NVL: variants seen among roughly 807,000 people sequenced by gnomAD.
The protein encoded by NVL is nuclear valosin-containing protein-like.
In NVL, 84 loss-of-function variants were observed where a neutral mutation model predicts 110.2. The observed-to-expected ratio is 0.76, with a 90% CI of 0.64 to 0.91. The LOEUF is 0.91. NVL is among the 40% of genes least tolerant of loss of function. The pLI is 0.00. For synonymous variants in NVL, 354 were observed against 361.1 expected, an observed-to-expected ratio of 0.98 and a Z score of 0.22; for missense variants, 882 against 1,035.9, an observed-to-expected ratio of 0.85 and a Z score of 2.04.
At chr1:224,246,367 G>A (rs555616797) in intron 19 of NVL, among the ~76,000 whole-genome samples, 3 of 152,224 alleles carry the variant, frequency 2.0e-5, no homozygotes, top group African/African-American at 7.2e-5. Flanking sequence ...TTTGGTCTGA[G>A]GCCTAATGAT....
At chr1:224,239,992 G>T (rs1660983935) in intron 19 of NVL, among the ~76,000 whole-genome samples, 1 of 151,826 alleles carries the variant, frequency 6.6e-6, no homozygotes, top group Non-Finnish European at 1.5e-5. Flanking sequence ...ACGCCTCCCA[G>T]GTTCAAGCGA....
At chr1:224,255,098 C>T (rs1663036757) in intron 18 of NVL, among the ~76,000 whole-genome samples, 1 of 151,042 alleles carries the variant, frequency 6.6e-6, no homozygotes. Flanking sequence ...TCTCGATCTC[C>T]TGACCTCATG....
chr1:224,301,746 G>C (rs771451046), intron 9 of NVL: 4 of 277,902 alleles, frequency 1.4e-5, no homozygotes, highest in African/African-American at 9.8e-5. Context: ...GCTGCAGTGA[G>C]CTGTGATCAT....
chr1:224,323,261 GATTTCTCCTTGCTGCTTATAGTAAA>G (rs747968178), intron 2 of NVL, among the ~76,000 whole-genome samples: 1 of 152,120 alleles, frequency 6.6e-6, no homozygotes, highest in Non-Finnish European at 1.5e-5. Flanking sequence ...AGTGTGGCCT[GATTTCTCCTTGCTGCTTATAGTAAA>G]ATTTTACAGT....
intron 19 of NVL, among the ~76,000 whole-genome samples, chr1:224,245,877 A>G (rs1172631420): frequency 1.3e-5 from 2 of 151,122 alleles, no homozygotes; most frequent in Non-Finnish European, 2.9e-5. Flanking sequence ...TTGGCCTCCC[A>G]AAGTGCTGGG....
intron 19 of NVL, among the ~76,000 whole-genome samples, chr1:224,237,701 C>CT (rs1197768543): frequency 6.7e-6 from 1 of 150,118 alleles, no homozygotes; most frequent in Non-Finnish European, 1.5e-5. Flanking sequence ...TCCCGAGGAG[C>CT]TGGAACTACA....
At chr1:224,312,862 C>T (rs1227916080) in intron 4 of NVL, 1 of 150,282 alleles carries the variant, frequency 6.7e-6, no homozygotes, top group Non-Finnish European at 1.5e-5. Flanking sequence ...AAAAAAAAGC[C>T]CTTTTCTTAT....
rs1191069104 is a variant in NVL at position 224,296,509 on chromosome 1, C to G, written c.1172G>C (p.Cys391Ser). Residue 391 changes from cysteine to serine, a missense_variant, in exon 11 of 23, where the codon TGC (cysteine) becomes TCC (serine). Physicochemically the swap from Cys to Ser is moderately radical, Grantham distance 112. Transcript: ENST00000281701. ...ERRIVAQLLTCMDDLNNVAAT... is the reference protein window; with the variant it reads ...ERRIVAQLLTSMDDLNNVAAT... ...TATTATTTTAAACTAACCATCCATG[C>G]AGGTTAGGAGTTGGGCTACAATTCT... 1 of 1,537,554 alleles carries G rather than the reference C, an allele frequency of 6.5e-7. No homozygotes were observed. The highest frequency in any genetic ancestry group is 1.4e-5 in the African/African-American group (1 of 72,914).
chr1:224,294,468 T>C, intron 11 of NVL, 57 bp from the exon 12 acceptor site: 2 of 1,552,488 alleles, frequency 1.3e-6, no homozygotes, highest in Non-Finnish European at 1.8e-6. Context: ...ACGGCAATAA[T>C]GGTTACAGAA....
At chr1:224,254,501 T>C (rs1382839354) in intron 18 of NVL, among the ~76,000 whole-genome samples, 1 of 150,170 alleles carries the variant, frequency 6.7e-6, no homozygotes, top group Non-Finnish European at 1.5e-5. Flanking sequence ...CAAGTGATTC[T>C]CCTGCGTCAG....
At chr1:224,243,550 G>C (rs1661450232) in intron 19 of NVL, among the ~76,000 whole-genome samples, 1 of 152,028 alleles carries the variant, frequency 6.6e-6, no homozygotes, top group African/African-American at 2.4e-5. Context: ...ACACTTCAAA[G>C]GGAGTTTCAA....
chr1:224,291,216 T>G (rs1667344480), intron 12 of NVL, among the ~76,000 whole-genome samples: 1 of 152,202 alleles, frequency 6.6e-6, no homozygotes, highest in South Asian at 2.1e-4. Context: ...TAATTCTTTT[T>G]TTTTCTGAGA....
intron 2 of NVL, among the ~76,000 whole-genome samples, chr1:224,320,113 A>G (rs1670494392): frequency 6.6e-6 from 1 of 152,220 alleles, no homozygotes; most frequent in African/African-American, 2.4e-5. Context: ...CAGTTCTGGA[A>G]AAAAAATTCC....
At chr1:224,313,886 C>A (rs1240764941) in intron 4 of NVL, among the ~76,000 whole-genome samples, 1 of 152,002 alleles carries the variant, frequency 6.6e-6, no homozygotes, top group Non-Finnish European at 1.5e-5. Flanking sequence ...GCCTGTAATC[C>A]CAACTACTCG....
rs73118057 is a variant in NVL, at chr1:224,323,790, C to A, written c.131+2601G>T. 6.2e-3 allele frequency among the ~76,000 whole-genome samples: 939 copies of A among 152,300 alleles called. 9 individuals are homozygous for A. The highest frequency in any genetic ancestry group is 0.021 in the African/African-American group (882 of 41,572). On this transcript the variant is annotated intron_variant, in intron 2 of 22. Coordinates refer to ENST00000281701, the MANE Select transcript of NVL (RefSeq NM_002533.4). ...GGGCAGGATCACCACCCTACGGAGC[C>A]CACAGGGCAGGGCATCAAGCCAAAG... is the stretch of plus-strand genomic sequence containing the variant.
chr1:224,273,556 C>T (rs1195416326), intron 17 of NVL, among the ~76,000 whole-genome samples: 2 of 152,066 alleles, frequency 1.3e-5, no homozygotes, highest in African/African-American at 4.8e-5. Flanking sequence ...CATACGGCTA[C>T]AGACTTCTTT....
chr1:224,236,603 A>T (rs1243351938), intron 19 of NVL, 21 bp from the exon 20 acceptor site: 1 of 1,595,320 alleles, frequency 6.3e-7, no homozygotes, highest in Non-Finnish European at 8.6e-7. Flanking sequence ...GAGAAAAATG[A>T]TTTTTCATTG....
At chr1:224,274,035 A>AACACACACACACAC (rs1224878158) in intron 17 of NVL, among the ~76,000 whole-genome samples, 38,416 of 145,332 alleles carry the variant, frequency 0.26, 5,874 homozygotes, top group Non-Finnish European at 0.35. Context: ...ATGACCTAAC[A>AACACACACACACAC]ACACACACAC....
rs1166717307 is a variant in NVL at position 224,325,263 on chromosome 1, G to GA, written c.131+1127dup. On this transcript the variant is annotated intron_variant, in intron 2 of 22. Coordinates refer to ENST00000281701, the MANE Select transcript of NVL (RefSeq NM_002533.4). ...GGCGACAGAGCAAGACTCCGTCTCA[G>GA]AAAAAAAAAAAAAGACTCAGGAAGC... is the stretch of plus-strand genomic sequence containing the variant. 4.8e-3 allele frequency among the ~76,000 whole-genome samples: 637 copies of GA among 134,064 alleles called. 4 individuals are homozygous for GA. Among genetic ancestry groups the GA allele is most frequent in the African/African-American group, 0.014 (522 of 36,600 alleles). 88.0% of individuals were successfully genotyped at this position (134,064 alleles called of 152,430 possible).
Sources: allele counts gnomAD v4.1 joint callset (sites outside exome capture counted in the v4.1 genomes callset), GRCh38; gene constraint gnomAD v4.1.1; transcripts MANE v1.5; gene names NCBI Gene and HGNC (gene_info 2026-07-23, HGNC 2026-07-21).